STK3: variants seen among roughly 807,000 people sequenced by gnomAD.
STK3 encodes the protein serine/threonine kinase 3.
In STK3, 41 loss-of-function variants were observed where a neutral mutation model predicts 58.0. The ratio of observed to expected loss-of-function variants is 0.71; its 90% CI spans 0.55 to 0.92. STK3 has a LOEUF of 0.92. Ranked by LOEUF, STK3 falls within the 40% of genes least tolerant of loss-of-function variation. The pLI is 0.00. For synonymous variants in STK3, 170 were observed against 191.0 expected, an observed-to-expected ratio of 0.89 and a Z score of 0.91; for missense variants, 479 against 602.7, an observed-to-expected ratio of 0.79 and a Z score of 2.15.
At chr8:98,454,003 G>A (rs1023508133), downstream of STK3, among the ~76,000 whole-genome samples, 9 of 152,108 alleles carry the variant, frequency 5.9e-5, no homozygotes, top group African/African-American at 2.2e-4. Context: ...AATAATCTTT[G>A]TATGTTTCAT....
intron 4 of STK3, among the ~76,000 whole-genome samples, chr8:98,708,033 G>A (rs1240554093): frequency 6.6e-6 from 1 of 151,926 alleles, no homozygotes; most frequent in Non-Finnish European, 1.5e-5. Flanking sequence ...CAGCTACTCA[G>A]GAGGCTGAGG....
chr8:98,429,050 C>T, intron 3 of STK3: 1 of 1,613,146 alleles, frequency 6.2e-7, no homozygotes, highest in Non-Finnish European at 8.5e-7. Flanking sequence ...AGAACGAGGG[C>T]CTGGCCACCA....
chr8:98,576,862 G>A (rs1813438678), intron 8 of STK3, among the ~76,000 whole-genome samples: 1 of 152,134 alleles, frequency 6.6e-6, no homozygotes, highest in East Asian at 1.9e-4. Context: ...GTCCCTCAGG[G>A]AACCACCAGA....
chr8:98,864,468 T>A (rs531461007), intron 3 of STK3, among the ~76,000 whole-genome samples: 40 of 152,320 alleles, frequency 2.6e-4, no homozygotes, highest in African/African-American at 7.5e-4. Flanking sequence ...AGAGAAAATC[T>A]CTTCTTGTTG....
intron 2 of STK3, among the ~76,000 whole-genome samples, chr8:98,770,678 C>G (rs1464156347): frequency 6.6e-6 from 1 of 152,084 alleles, no homozygotes; most frequent in Non-Finnish European, 1.5e-5. Context: ...ACTATGTTGA[C>G]AAAAAGGGTC....
At chr8:98,757,367 T>C (rs973347129) in intron 3 of STK3, among the ~76,000 whole-genome samples, 6 of 150,218 alleles carry the variant, frequency 4.0e-5, no homozygotes, top group African/African-American at 1.5e-4. Context: ...TTAGTAGAGA[T>C]GGGGTTTCAC....
chr8:98,364,743 C>T, the STK3 span, among the ~76,000 whole-genome samples: 14 of 152,350 alleles, frequency 9.2e-5, 2 homozygotes, highest in South Asian at 2.7e-3. Context: ...CTGTGGACTA[C>T]ATCTCCCAGA....
chr8:98,703,847 C>T (rs1207615078), intron 6 of STK3, among the ~76,000 whole-genome samples: 1 of 152,082 alleles, frequency 6.6e-6, no homozygotes, highest in Non-Finnish European at 1.5e-5. Flanking sequence ...TAGCTGGGCC[C>T]TCAACAATTT....
chr8:98,515,397 G>A (rs909850045), intron 10 of STK3, among the ~76,000 whole-genome samples: 4 of 152,050 alleles, frequency 2.6e-5, no homozygotes, highest in Non-Finnish European at 5.9e-5. Flanking sequence ...CAGCTGAAAT[G>A]TGCAAAAAAG....
rs143401787 is a variant in STK3, at chr8:98,551,002, A to G, written c.949-2841T>C. On this transcript the variant is annotated intron_variant, in intron 8 of 10. Transcript: ENST00000419617. ...TCAATGTCTTCTATGGACCAATCCTATTTTCCCATTGTTCATATAACCTCC... is the reference window on the plus strand; with the variant it reads ...TCAATGTCTTCTATGGACCAATCCTGTTTTCCCATTGTTCATATAACCTCC... 2.1e-3 allele frequency among the ~76,000 whole-genome samples: 315 copies of G among 152,136 alleles called. 4 individuals carry two copies. Among genetic ancestry groups the G allele is most frequent in the South Asian group, 2.9e-3 (14 of 4,822 alleles).
rs1819444358 is a variant in STK3, at chr8:98,455,791, C to T, written c.*51G>A. The stretch of plus-strand genomic sequence containing the variant: ...AAATATCCAAATATTCCTTCAATTC[C>T]TAGTGGTTTCTTGGTCTCCAGAATA... On this transcript the variant is annotated 3_prime_UTR_variant, in exon 11 of 11. Transcript: ENST00000419617. 1.9e-6 allele frequency: 3 copies of T among 1,598,470 alleles called. No individual in the cohort carries two copies. The highest frequency in any genetic ancestry group is 2.6e-6 in the Non-Finnish European group (3 of 1,171,730).
chr8:98,720,492 T>C (rs1452733519), intron 4 of STK3, among the ~76,000 whole-genome samples: 17 of 152,080 alleles, frequency 1.1e-4, no homozygotes, highest in Admixed American at 7.9e-4. Flanking sequence ...GGCTCACGCC[T>C]GTAATCCCAG....
chr8:98,496,967 C>T (rs1460003200), intron 10 of STK3, among the ~76,000 whole-genome samples: 4 of 151,046 alleles, frequency 2.6e-5, no homozygotes, highest in Non-Finnish European at 5.9e-5. Context: ...TTTTTTTTAA[C>T]CAAAATAAAA....
At chr8:98,723,591 A>T (rs897593040) in intron 4 of STK3, among the ~76,000 whole-genome samples, 4 of 152,146 alleles carry the variant, frequency 2.6e-5, no homozygotes, top group African/African-American at 9.6e-5. Flanking sequence ...TAAGAATTTT[A>T]ATTTTCTAAT....
intron 6 of STK3, among the ~76,000 whole-genome samples, chr8:98,619,772 T>C (rs1362001331): frequency 2.6e-4 from 38 of 146,350 alleles, no homozygotes; most frequent in Admixed American, 1.7e-3. Flanking sequence ...TGAGATACCA[T>C]CTCACACCAG....
chr8:98,860,222 T>A (rs911006683), intron 3 of STK3, among the ~76,000 whole-genome samples: 1 of 152,170 alleles, frequency 6.6e-6, no homozygotes, highest in Admixed American at 6.5e-5. Flanking sequence ...TGTGATAACA[T>A]GAAATAGATA....
intron 3 of STK3, among the ~76,000 whole-genome samples, chr8:98,861,343 G>GTT (rs1836928630): frequency 7.2e-6 from 1 of 138,396 alleles, no homozygotes; most frequent in African/African-American, 2.8e-5. Flanking sequence ...TGTTTCTTTG[G>GTT]ATTTTTTTTT....
intron 1 of STK3, among the ~76,000 whole-genome samples, chr8:98,821,011 CA>C (rs1308774904): frequency 6.6e-6 from 1 of 152,088 alleles, no homozygotes; most frequent in East Asian, 1.9e-4. Context: ...ATAAATCCAA[CA>C]AATTCCATCT....
chr8:98,722,847 T>C, intron 4 of STK3: 2 of 491,296 alleles, frequency 4.1e-6, no homozygotes, highest in Non-Finnish European at 8.0e-6. Context: ...AGAAAACACA[T>C]GAGAGAGGAT....
Sources: gnomAD v4.1 joint callset for allele counts (sites outside exome capture counted in the v4.1 genomes callset) on GRCh38, gnomAD v4.1.1 for gene constraint, MANE v1.5 for transcripts, NCBI Gene and HGNC (gene_info 2026-07-23, HGNC 2026-07-21) for gene names.